MAML3: variants seen among roughly 807,000 people sequenced by gnomAD.
MAML3 encodes mastermind-like protein 3.
A neutral mutation model predicts 101.9 loss-of-function variants in MAML3; 27 were observed. The ratio of observed to expected loss-of-function variants is 0.27; its 90% CI spans 0.20 to 0.37. The LOEUF (loss-of-function observed/expected upper bound fraction) is 0.37, where lower values mean the gene tolerates loss of function less well. Ranked by LOEUF, MAML3 falls within the 10% of genes least tolerant of loss-of-function variation. The probability of loss-of-function intolerance (pLI) is 1.00; values close to 1 mark genes in which losing one functional copy is unlikely to be tolerated. For synonymous variants in MAML3, 501 were observed against 555.9 expected (o/e 0.90, Z 1.39); for missense variants, 1,316 against 1,444.9 (o/e 0.91, Z 1.45).
chr4:139,881,564 C>T (rs1263176244), intron 2 of MAML3, among the ~76,000 whole-genome samples: 1 of 152,146 alleles, frequency 6.6e-6, no homozygotes, highest in African/African-American at 2.4e-5. Flanking sequence ...GCACACAGAG[C>T]AACTAATTAG....
At chr4:139,940,655 C>T (rs1311242578) in intron 1 of MAML3, among the ~76,000 whole-genome samples, 1 of 152,222 alleles carries the variant, frequency 6.6e-6, no homozygotes, top group Non-Finnish European at 1.5e-5. Flanking sequence ...CCCCGATACT[C>T]ATGTTCAAAA....
At chr4:140,078,159 G>T (rs189796162) in intron 1 of MAML3, among the ~76,000 whole-genome samples, 111 of 152,170 alleles carry the variant, frequency 7.3e-4, no homozygotes, top group African/African-American at 2.6e-3. Context: ...TTGTAACAGG[G>T]TCTGAAAACA....
chr4:139,871,153 C>T lies in MAML3; in HGVS notation c.2079+18204G>A, dbSNP rs146321100. On this transcript the variant is annotated intron_variant, in intron 2 of 4. Coordinates refer to ENST00000509479, the MANE Select transcript of MAML3 (RefSeq NM_018717.5). ...TCTCCAGACTTGATGCTAGACTATACATTTTTTCTCATGTATGACATTCCT... is the reference window on the plus strand; with the variant it reads ...TCTCCAGACTTGATGCTAGACTATATATTTTTTCTCATGTATGACATTCCT... Among the ~76,000 whole-genome samples, 217 of 152,238 alleles carry T rather than the reference C, an allele frequency of 1.4e-3. 2 individuals are homozygous for T. The highest frequency in any genetic ancestry group is 5.2e-3 in the African/African-American group (214 of 41,538).
intron 2 of MAML3, among the ~76,000 whole-genome samples, chr4:139,756,527 C>T (rs986190906): frequency 6.6e-6 from 1 of 152,122 alleles, no homozygotes; most frequent in African/African-American, 2.4e-5. Flanking sequence ...TAAAGGGACC[C>T]CGAGGCACTA....
At chr4:139,763,558 C>T (rs906292260) in intron 2 of MAML3, among the ~76,000 whole-genome samples, 1 of 152,138 alleles carries the variant, frequency 6.6e-6, no homozygotes. Flanking sequence ...CTTCAATTGC[C>T]AAAATAAACA....
intron 1 of MAML3, among the ~76,000 whole-genome samples, chr4:139,958,926 A>G (rs1733960133): frequency 1.3e-5 from 2 of 152,196 alleles, no homozygotes; most frequent in South Asian, 4.1e-4. Flanking sequence ...ATGCCAGCAC[A>G]TCCATTGTTC....
rs139587675 is a variant in MAML3 at position 139,872,578 on chromosome 4, G to A, written c.2079+16779C>T. ...AGCAGAGGAACTGGAGGATGTACTGGAAGAACTCAGGGGTGCACACAGAAG... is the reference window on the plus strand; with the variant it reads ...AGCAGAGGAACTGGAGGATGTACTGAAAGAACTCAGGGGTGCACACAGAAG... On this transcript the variant is annotated intron_variant, in intron 2 of 4. Transcript: ENST00000509479. Among the ~76,000 whole-genome samples, 24 of 152,268 alleles carry A rather than the reference G, an allele frequency of 1.6e-4. 1 individual carries two copies. Among genetic ancestry groups the A allele is most frequent in the African/African-American group, 5.1e-4 (21 of 41,544 alleles).
intron 1 of MAML3, among the ~76,000 whole-genome samples, chr4:139,999,545 C>T (rs185307984): frequency 6.6e-6 from 1 of 152,252 alleles, no homozygotes; most frequent in East Asian, 1.9e-4. Context: ...TTTGTCCAGC[C>T]TTATATTTGC....
At chr4:139,987,498 T>C (rs1734562762) in intron 1 of MAML3, among the ~76,000 whole-genome samples, 1 of 152,196 alleles carries the variant, frequency 6.6e-6, no homozygotes, top group Non-Finnish European at 1.5e-5. Context: ...ATGGTGTCCA[T>C]GAGAAGTTGA....
intron 1 of MAML3, among the ~76,000 whole-genome samples, chr4:140,120,236 CAAAAA>C (rs35845014): frequency 1.1e-4 from 10 of 90,080 alleles, no homozygotes; most frequent in African/African-American, 4.0e-4. Flanking sequence ...GACTCCGTCT[CAAAAA>C]AAAAAAAAAA....
At chr4:139,777,269 A>G (rs975771859) in intron 2 of MAML3, among the ~76,000 whole-genome samples, 1 of 152,156 alleles carries the variant, frequency 6.6e-6, no homozygotes, top group African/African-American at 2.4e-5. Context: ...TTTGCTCCCC[A>G]CTCCTGAAAA....
rs535392175 is a variant in MAML3, at chr4:139,721,579, A to T, written c.2417-1256T>A. On this transcript the variant is annotated intron_variant, in intron 4 of 4. Coordinates refer to ENST00000509479, the MANE Select transcript of MAML3 (RefSeq NM_018717.5). ...ATGTTTTTGTCTTCCTGATGTGGCT[A>T]TTGATTTCTGGGCTGCAAATATGTC... Among the ~76,000 whole-genome samples, 139 of 152,232 alleles carry T rather than the reference A, an allele frequency of 9.1e-4. 2 individuals carry two copies. Among genetic ancestry groups the T allele is most frequent in the African/African-American group, 3.2e-3 (135 of 41,544 alleles).
intron 1 of MAML3, among the ~76,000 whole-genome samples, chr4:139,945,822 T>C (rs1486566894): frequency 6.6e-6 from 1 of 152,230 alleles, no homozygotes; most frequent in Non-Finnish European, 1.5e-5. Context: ...TTGTACATCA[T>C]ACGAAGGCAT....
chr4:139,722,121 C>G (rs1579358434), intron 4 of MAML3, among the ~76,000 whole-genome samples: 1 of 152,256 alleles, frequency 6.6e-6, no homozygotes, highest in East Asian at 1.9e-4. Context: ...TAGATACTGT[C>G]TGGAATAATT....
At chr4:139,827,538 G>GA (rs143373950) in intron 2 of MAML3, among the ~76,000 whole-genome samples, 1 of 152,084 alleles carries the variant, frequency 6.6e-6, no homozygotes, top group South Asian at 2.1e-4. Flanking sequence ...GACTAGGGGG[G>GA]AAAAAACAGA....
chr4:139,806,950 G>A (rs1159701078), intron 2 of MAML3, among the ~76,000 whole-genome samples: 1 of 152,122 alleles, frequency 6.6e-6, no homozygotes. Flanking sequence ...GTAGGATTAT[G>A]CATGATTTTA....
intron 1 of MAML3, among the ~76,000 whole-genome samples, chr4:140,000,857 A>G (rs1734911352): frequency 6.6e-6 from 1 of 152,122 alleles, no homozygotes; most frequent in South Asian, 2.1e-4. Context: ...GAGAAACCCC[A>G]TCTCTACTAA....
rs1729223120 is a variant in MAML3 at position 140,153,941 on chromosome 4, A to T, written c.-614T>A. ...AGTTGCATTTCACAGGAACCTAGATATCGAATCCTCGGGCTGGGGGAAGTA... is the reference window on the plus strand; with the variant it reads ...AGTTGCATTTCACAGGAACCTAGATTTCGAATCCTCGGGCTGGGGGAAGTA... On this transcript the variant is annotated 5_prime_UTR_variant, in exon 1 of 5. Transcript: ENST00000509479. The T allele has an allele frequency of 6.5e-6, 1 of 153,272 alleles. No homozygotes were observed. The highest frequency in any genetic ancestry group is 2.4e-5 in the African/African-American group (1 of 41,456). The allele number at this position is 153,272 out of a possible 1,614,324, so 9.5% of individuals were successfully genotyped here.
chr4:139,999,796 AT>A (rs1342437256), intron 1 of MAML3, among the ~76,000 whole-genome samples: 6 of 152,240 alleles, frequency 3.9e-5, no homozygotes, highest in Non-Finnish European at 8.8e-5. Context: ...TTATAAGGGA[AT>A]AAAAACACAA....
Sources: allele counts gnomAD v4.1 joint callset (sites outside exome capture counted in the v4.1 genomes callset), GRCh38; gene constraint gnomAD v4.1.1; transcripts MANE v1.5; gene names NCBI Gene and HGNC (gene_info 2026-07-23, HGNC 2026-07-21).